Variants in ACOT7 observed in about 807,000 individuals in gnomAD.
ACOT7 encodes acyl-CoA thioesterase 7.
Under a neutral mutation model 40.2 loss-of-function variants are expected in ACOT7, and 12 were observed. That is an observed-to-expected ratio of 0.30 (90% CI 0.19 to 0.48). The LOEUF is 0.48. Ranked by LOEUF, ACOT7 falls within the 20% of genes least tolerant of loss-of-function variation. The pLI, the probability that ACOT7 is intolerant of heterozygous loss-of-function variation, is 0.99. For missense variants in ACOT7, 395 were observed against 530.8 expected, an observed-to-expected ratio of 0.74 and a Z score of 2.51; for synonymous variants, 228 against 219.5, an observed-to-expected ratio of 1.04 and a Z score of -0.34.
At chr1:6,361,319 G>T (rs548790482) in intron 1 of ACOT7, among the ~76,000 whole-genome samples, 2 of 152,300 alleles carry the variant, frequency 1.3e-5, no homozygotes, top group East Asian at 3.9e-4. Flanking sequence ...GGGGGGCAGG[G>T]GCTGGAGGAG....
chr1:6,363,107 C>A (rs1641925570), intron 1 of ACOT7, among the ~76,000 whole-genome samples: 1 of 152,048 alleles, frequency 6.6e-6, no homozygotes, highest in Admixed American at 6.6e-5. Flanking sequence ...TTATAATAAT[C>A]CTCGCTCTAT....
intron 6 of ACOT7, among the ~76,000 whole-genome samples, chr1:6,316,386 T>C (rs1459454358): frequency 1.1e-4 from 17 of 152,336 alleles, no homozygotes; most frequent in African/African-American, 3.8e-4. Context: ...GGAAGTGCTG[T>C]TATAAAGCAC....
At chr1:6,329,637 G>T (rs958843908) in intron 4 of ACOT7, among the ~76,000 whole-genome samples, 2 of 151,952 alleles carry the variant, frequency 1.3e-5, no homozygotes, top group Non-Finnish European at 2.9e-5. Flanking sequence ...CCTCCCCAAT[G>T]CTGCCTTTCC....
At chr1:6,302,510 G>A (rs1427829894) in intron 6 of ACOT7, among the ~76,000 whole-genome samples, 1 of 152,106 alleles carries the variant, frequency 6.6e-6, no homozygotes, top group Non-Finnish European at 1.5e-5. Context: ...CGAAAAACCA[G>A]TGCCTCAGCC....
At chr1:6,369,391 T>C (rs1350661067) in intron 1 of ACOT7, among the ~76,000 whole-genome samples, 1 of 147,126 alleles carries the variant, frequency 6.8e-6, no homozygotes, top group African/African-American at 2.5e-5. Context: ...CCCCACAAAA[T>C]GCATTTCTTT....
chr1:6,378,771 A>C (rs1642282020), intron 1 of ACOT7, among the ~76,000 whole-genome samples: 1 of 151,990 alleles, frequency 6.6e-6, no homozygotes, highest in African/African-American at 2.4e-5. Context: ...GAAGGAGGAC[A>C]GAAAGGCTGG....
At chr1:6,335,839 C>T (rs1006477097) in intron 3 of ACOT7, among the ~76,000 whole-genome samples, 6 of 152,162 alleles carry the variant, frequency 3.9e-5, no homozygotes, top group Admixed American at 6.5e-5. Flanking sequence ...ATATTTCCAC[C>T]GCACTTTGAC....
At chr1:6,385,878 C>T (rs1032763360) in intron 1 of ACOT7, 2 of 1,367,778 alleles carry the variant, frequency 1.5e-6, no homozygotes, top group African/African-American at 2.9e-5. Context: ...ACAGGATGTT[C>T]TCTACAAAAG....
intron 1 of ACOT7, among the ~76,000 whole-genome samples, chr1:6,374,733 G>C (rs1349278829): frequency 3.9e-5 from 6 of 152,306 alleles, no homozygotes; most frequent in Middle Eastern, 3.4e-3. Context: ...CAAGCTGAGA[G>C]TTCTCCGTGG....
At chr1:6,338,000 CAA>C (rs769360339) in intron 3 of ACOT7, among the ~76,000 whole-genome samples, 87 of 71,802 alleles carry the variant, frequency 1.2e-3, no homozygotes, top group Non-Finnish European at 1.8e-3. Context: ...GACACCATCT[CAA>C]AAAAAAAAAA....
chr1:6,355,792 G>T lies in ACOT7; in HGVS notation c.144-5926C>A, dbSNP rs1230770271. On this transcript the variant is annotated intron_variant, in intron 1 of 8. Transcript: ENST00000361521. This position sits in a 1 kb window ranked among gnomAD's most constrained non-coding sequence, Gnocchi z 5.0. ...GAGCGCCTACAGCAGCGGCCCTGGG[G>T]TCCAGCCCACATCCTCGCAGGACAG... Among the ~76,000 whole-genome samples, 3 of 152,300 alleles carry T rather than the reference G, an allele frequency of 2.0e-5. No homozygotes were observed. The highest frequency in any genetic ancestry group is 7.2e-5 in the African/African-American group (3 of 41,574).
Position 6,268,225 on chromosome 1 carries a change from C to T in ACOT7, c.1015-3530G>A, listed in dbSNP as rs74049519. ...GTATCCTGGAAGTGGGTGAACAGAA[C>T]GGCATGTAATTACATCTCAGTAAAG... On this transcript the variant is annotated intron_variant, in intron 8 of 8. Transcript: ENST00000361521. Among the ~76,000 whole-genome samples the T allele has an allele frequency of 4.9e-4, 75 of 152,150 alleles. No homozygotes were observed. The East Asian group carries it at 0.01, about 20-fold the overall frequency.
chr1:6,363,370 C>T (rs936415164), intron 1 of ACOT7, among the ~76,000 whole-genome samples: 16 of 152,046 alleles, frequency 1.1e-4, no homozygotes, highest in Non-Finnish European at 2.2e-4. Flanking sequence ...TCCCTTTCCC[C>T]CGGGGAGTTT....
At chr1:6,354,161 C>T (rs1010422142) in intron 1 of ACOT7, among the ~76,000 whole-genome samples, 5 of 152,060 alleles carry the variant, frequency 3.3e-5, no homozygotes, top group South Asian at 4.1e-4. Context: ...ACCCCACTCC[C>T]GGCCGGTGTC....
intron 8 of ACOT7, among the ~76,000 whole-genome samples, chr1:6,268,949 C>T (rs763759472): frequency 1.8e-4 from 27 of 152,270 alleles, no homozygotes; most frequent in Admixed American, 1.3e-3. Context: ...GCACTGCAGA[C>T]GAGAGCCCTC....
chr1:6,318,911 T>C (rs1211348541), intron 5 of ACOT7, among the ~76,000 whole-genome samples: 1 of 152,214 alleles, frequency 6.6e-6, no homozygotes, highest in East Asian at 1.9e-4. Flanking sequence ...CACCAGGCTC[T>C]AGTTAACCAT....
chr1:6,296,456 C>T (rs1198773603), intron 6 of ACOT7, among the ~76,000 whole-genome samples: 4 of 151,378 alleles, frequency 2.6e-5, no homozygotes, highest in African/African-American at 9.8e-5. Context: ...CGGAGTCTCG[C>T]ACTGTCGCCC....
chr1:6,354,665 C>T (rs1173197290), intron 1 of ACOT7, among the ~76,000 whole-genome samples: 1 of 128,836 alleles, frequency 7.8e-6, no homozygotes, highest in Non-Finnish European at 1.6e-5. Context: ...CCCCCCGTGG[C>T]CGCTGCACTG....
intron 8 of ACOT7, among the ~76,000 whole-genome samples, chr1:6,271,674 ACCT>A (rs1639039767): frequency 6.6e-6 from 1 of 151,764 alleles, no homozygotes; most frequent in Non-Finnish European, 1.5e-5. Flanking sequence ...TGGGTTAATT[ACCT>A]CCTCCTCCAC....
Sources: allele counts gnomAD v4.1 joint callset (sites outside exome capture counted in the v4.1 genomes callset), GRCh38; gene constraint gnomAD v4.1.1; non-coding constraint Gnocchi (gnomAD v3.1); transcripts MANE v1.5; gene names NCBI Gene and HGNC (gene_info 2026-07-23, HGNC 2026-07-21).